Variants in KIAA0319 observed in about 807,000 individuals in gnomAD.
The protein encoded by KIAA0319 is KIAA0319.
A neutral mutation model predicts 108.4 loss-of-function variants in KIAA0319; 83 were observed. That is an observed-to-expected ratio of 0.77 (90% CI 0.64 to 0.92). The LOEUF (loss-of-function observed/expected upper bound fraction) is 0.92, where lower values mean the gene tolerates loss of function less well. Ranked by LOEUF, KIAA0319 falls within the 40% of genes least tolerant of loss-of-function variation. The pLI is 0.00. For synonymous variants in KIAA0319, 484 were observed against 510.4 expected (o/e 0.95, Z 0.70); for missense variants, 1,195 against 1,322.4 (o/e 0.90, Z 1.49).
chr6:24,624,008 C>CTTTTT (rs1774335832), intron 1 of KIAA0319, among the ~76,000 whole-genome samples: 2 of 87,374 alleles, frequency 2.3e-5, no homozygotes, highest in African/African-American at 4.4e-5. Flanking sequence ...TTTTGAATTT[C>CTTTTT]TTTGTTTTCT....
intron 1 of KIAA0319, among the ~76,000 whole-genome samples, chr6:24,619,838 T>C (rs1048628851): frequency 3.9e-5 from 6 of 152,180 alleles, no homozygotes; most frequent in Admixed American, 1.3e-4. Flanking sequence ...GAGAGTGCCA[T>C]ATTTTGCTGC....
intron 1 of KIAA0319, among the ~76,000 whole-genome samples, chr6:24,621,271 G>A (rs866309254): frequency 1.3e-5 from 2 of 152,192 alleles, no homozygotes; most frequent in African/African-American, 4.8e-5. Flanking sequence ...GGAGATGGGC[G>A]AGTATCTTAT....
intron 16 of KIAA0319, 77 bp from the exon 17 acceptor site, chr6:24,559,232 A>T (rs1334129967): frequency 5.3e-6 from 8 of 1,504,060 alleles, no homozygotes; most frequent in Non-Finnish European, 6.3e-6. Flanking sequence ...ACAGCATCTG[A>T]CCTGTGAAAC....
In KIAA0319 at chr6:24,599,357, T is replaced by G. The variant is rs1287476341; in HGVS notation, c.55+1692A>C. Reference sequence around the variant, plus strand: ...AGAGGGCTTCCCTAGAGGCCACCATTGTGGATGCGGAGAAGCGTGGGGAGC... The same window carrying G: ...AGAGGGCTTCCCTAGAGGCCACCATGGTGGATGCGGAGAAGCGTGGGGAGC... On this transcript the variant is annotated intron_variant, in intron 2 of 20. Coordinates refer to ENST00000378214, the MANE Select transcript of KIAA0319 (RefSeq NM_014809.4). This position sits in a 1 kb window ranked among gnomAD's most constrained non-coding sequence, Gnocchi z 4.1. 1 of 523,556 alleles carries G rather than the reference T, an allele frequency of 1.9e-6. No homozygotes were observed. The highest frequency in any genetic ancestry group is 3.6e-6 in the Non-Finnish European group (1 of 275,394). 32.4% of individuals were successfully genotyped at this position (523,556 alleles called of 1,614,324 possible). A position where few individuals can be genotyped will look rare whatever the true frequency, so the allele number is the denominator to read the frequency against.
chr6:24,563,986 C>T (rs546114577), intron 15 of KIAA0319, among the ~76,000 whole-genome samples: 3 of 152,236 alleles, frequency 2.0e-5, no homozygotes, highest in South Asian at 4.1e-4. Context: ...AAAAGAAAAT[C>T]TAGTTGCCAG....
chr6:24,556,522 C>T (rs1360751558), intron 18 of KIAA0319, 85 bp downstream of exon 18: 18 of 1,486,232 alleles, frequency 1.2e-5, no homozygotes, highest in Admixed American at 6.2e-5. Context: ...AGGTTGGCCT[C>T]GAATATTAGG....
chr6:24,552,460 G>C (rs2127416639), intron 19 of KIAA0319, among the ~76,000 whole-genome samples: 1 of 152,324 alleles, frequency 6.6e-6, no homozygotes, highest in East Asian at 1.9e-4. Context: ...ACACAGTAGG[G>C]TCACATATGG....
At chr6:24,553,274 G>GATATATAT (rs72393319) in intron 19 of KIAA0319, among the ~76,000 whole-genome samples, 4 of 102,062 alleles carry the variant, frequency 3.9e-5, no homozygotes, top group South Asian at 3.8e-4. Flanking sequence ...TTGTGAGATA[G>GATATATAT]ATATATATAT....
chr6:24,604,796 T>C (rs17307478), intron 1 of KIAA0319, among the ~76,000 whole-genome samples: 10,827 of 152,234 alleles, frequency 0.071, 521 homozygotes, highest in Non-Finnish European at 0.11. Flanking sequence ...TTATCAAAAA[T>C]TCCTTCAGTT....
intron 2 of KIAA0319, among the ~76,000 whole-genome samples, chr6:24,596,826 A>G (rs1256888919): frequency 1.3e-5 from 2 of 151,974 alleles, no homozygotes; most frequent in Non-Finnish European, 2.9e-5. Context: ...CCACTCATTC[A>G]TCTTCCATCT....
chr6:24,572,535 C>T (rs765239853), intron 11 of KIAA0319, 40 bp downstream of exon 11: 25 of 1,599,980 alleles, frequency 1.6e-5, no homozygotes, highest in Non-Finnish European at 2.0e-5. Context: ...ATCATTTCTG[C>T]TTTAATCTCT....
At chr6:24,594,747 CTAACA>C (rs1769190503) in intron 3 of KIAA0319, among the ~76,000 whole-genome samples, 1 of 151,956 alleles carries the variant, frequency 6.6e-6, no homozygotes, top group African/African-American at 2.4e-5. Flanking sequence ...CTCACTTATT[CTAACA>C]TAAGTACTGG....
Position 24,581,033 on chromosome 6 carries a change from T to A in KIAA0319, c.1192-20A>T, listed in dbSNP as rs375379257. The A allele has an allele frequency of 6.6e-7, 1 of 1,521,906 alleles. No individual in the cohort carries two copies. Among genetic ancestry groups the A allele is most frequent in the Non-Finnish European group, 9.1e-7 (1 of 1,097,274 alleles). The allele number at this position is 1,521,906 out of a possible 1,614,324, so 94.3% of individuals were successfully genotyped here. ...GGACAACTGTAACATAAAGAAAAGT[T>A]GTACAGTTCAACATGCAAGACGTGA... is the stretch of plus-strand genomic sequence containing the variant. On this transcript the variant is annotated intron_variant, in intron 6 of 20. Transcript: ENST00000378214.
Position 24,546,773 on chromosome 6 carries a change from T to C in KIAA0319, c.*392A>G, listed in dbSNP as rs1479285012. Reference sequence around the variant, plus strand: ...CCTACAAGAGAAACCGTGTTTAGAATGCTGTTCCTTAGAGGCAATCACAGC... The same window carrying C: ...CCTACAAGAGAAACCGTGTTTAGAACGCTGTTCCTTAGAGGCAATCACAGC... On this transcript the variant is annotated 3_prime_UTR_variant, in exon 21 of 21. Coordinates refer to ENST00000378214, the MANE Select transcript of KIAA0319 (RefSeq NM_014809.4). 2 of 175,042 alleles carry C rather than the reference T, an allele frequency of 1.1e-5. No homozygotes were observed. Among genetic ancestry groups the C allele is most frequent in the African/African-American group, 2.4e-5 (1 of 42,090 alleles). 10.8% of individuals were successfully genotyped at this position (175,042 alleles called of 1,614,324 possible). A position where few individuals can be genotyped will look rare whatever the true frequency, so the allele number is the denominator to read the frequency against.
chr6:24,569,657 G>A (rs1349136266), intron 12 of KIAA0319, among the ~76,000 whole-genome samples: 2 of 152,098 alleles, frequency 1.3e-5, no homozygotes, highest in African/African-American at 4.8e-5. Context: ...CTTCTGTCAT[G>A]AGCTCGCCTC....
At position 24,564,296 on chromosome 6, in the gene KIAA0319, C is replaced by T. The variant is rs149012243; in HGVS notation, c.2337G>A (p.Thr779=). 22 of 1,614,000 alleles carry T rather than the reference C, an allele frequency of 1.4e-5. No homozygotes were observed. Among genetic ancestry groups the T allele is most frequent in the Non-Finnish European group, 1.4e-5 (16 of 1,180,032 alleles). Reference sequence around the variant, plus strand: ...AAGTGTACACCCCCTCCACCAGATTCGTAAGCTGCAGAGCCACACTGTGGT... The same window carrying T: ...AAGTGTACACCCCCTCCACCAGATTTGTAAGCTGCAGAGCCACACTGTGGT... The part of the protein sequence containing the change: ...GSDHSVALQL[T]NLVEGVYTFH... The change falls in exon 15 of 21, where the codon ACG becomes ACA. Residue 779 remains threonine, a synonymous_variant. Transcript: ENST00000378214.
At chr6:24,561,317 C>G (rs544789239) in intron 16 of KIAA0319, among the ~76,000 whole-genome samples, 11 of 152,288 alleles carry the variant, frequency 7.2e-5, no homozygotes, top group African/African-American at 2.2e-4. Flanking sequence ...AAGGACTGTT[C>G]ATTCTTTAAA....
chr6:24,626,439 C>T (rs936855774), intron 1 of KIAA0319, among the ~76,000 whole-genome samples: 10 of 151,886 alleles, frequency 6.6e-5, no homozygotes, highest in Non-Finnish European at 7.4e-5. Context: ...GGCTGAGGCA[C>T]GAGAATCGCT....
At chr6:24,576,028 A>G (rs965327961) in intron 10 of KIAA0319, among the ~76,000 whole-genome samples, 1 of 152,242 alleles carries the variant, frequency 6.6e-6, no homozygotes, top group South Asian at 2.1e-4. Flanking sequence ...AACAAAAAAA[A>G]TTCTGATAAT....
Sources: allele counts gnomAD v4.1 joint callset (sites outside exome capture counted in the v4.1 genomes callset), GRCh38; gene constraint gnomAD v4.1.1; non-coding constraint Gnocchi (gnomAD v3.1); transcripts MANE v1.5; gene names NCBI Gene and HGNC (gene_info 2026-07-23, HGNC 2026-07-21).